PCDHA12: variants seen among roughly 807,000 people sequenced by gnomAD.
PCDHA12 encodes the protein protocadherin alpha-12.
A neutral mutation model predicts 60.0 loss-of-function variants in PCDHA12; 44 were observed. The observed-to-expected ratio is 0.73, with a 90% CI of 0.58 to 0.94. The LOEUF (loss-of-function observed/expected upper bound fraction) is 0.94, where lower values mean the gene tolerates loss of function less well. Among genes scored for constraint, PCDHA12 ranks in the 40% least tolerant of loss-of-function variants. The pLI, the probability that PCDHA12 is intolerant of heterozygous loss-of-function variation, is 0.00. For synonymous variants in PCDHA12, 569 were observed against 553.0 expected (o/e 1.03, Z -0.40); for missense variants, 1,276 against 1,239.7 (o/e 1.03, Z -0.44).
chr5:141,009,374 G>C (rs567366098), intron 3 of PCDHA12, among the ~76,000 whole-genome samples: 1 of 152,216 alleles, frequency 6.6e-6, no homozygotes, highest in African/African-American at 2.4e-5. Context: ...TGGGAGGATT[G>C]ATTGAGCACA....
chr5:140,968,444 A>G (rs781941315), intron 1 of PCDHA12: 1 of 1,614,048 alleles, frequency 6.2e-7, no homozygotes, highest in South Asian at 1.1e-5. Context: ...CCCACCACTG[A>G]GCAGCACTGT....
chr5:140,901,213 G>A (rs2068513524), intron 1 of PCDHA12, among the ~76,000 whole-genome samples: 1 of 152,040 alleles, frequency 6.6e-6, no homozygotes, highest in Non-Finnish European at 1.5e-5. Flanking sequence ...TTTTTAAGTT[G>A]ATGTGATCCC....
chr5:140,957,581 C>T (rs1396438252), intron 1 of PCDHA12, among the ~76,000 whole-genome samples: 3 of 152,066 alleles, frequency 2.0e-5, no homozygotes, highest in South Asian at 2.1e-4. Flanking sequence ...GTACTTTTAA[C>T]AAAGCACTTC....
chr5:140,932,920 A>G (rs1397195310), intron 1 of PCDHA12, among the ~76,000 whole-genome samples: 3 of 152,034 alleles, frequency 2.0e-5, no homozygotes, highest in Non-Finnish European at 4.4e-5. Flanking sequence ...CAACAACTAA[A>G]TTAACTTAGC....
chr5:140,967,072 C>A, intron 1 of PCDHA12: 7 of 1,613,106 alleles, frequency 4.3e-6, no homozygotes, highest in Non-Finnish European at 5.9e-6. Context: ...TCTTCGTCAA[C>A]GAGCGCATTG....
intron 1 of PCDHA12, among the ~76,000 whole-genome samples, chr5:140,940,131 G>A (rs1443086111): frequency 7.2e-5 from 11 of 152,092 alleles, no homozygotes; most frequent in African/African-American, 2.4e-4. Context: ...ATTTCTGCTA[G>A]TGATAAACTA....
Position 140,941,319 on chromosome 5 carries a change from C to CT in PCDHA12, c.2368-37615dup, listed in dbSNP as rs70988781. On this transcript the variant is annotated intron_variant, in intron 1 of 3. Transcript: ENST00000398631. Reference sequence around the variant, plus strand: ...TTCTTTCTTTCTTTTTCTTCTTTCTCTTTTTTTTTTTTTTTCAGATGGAGT... The same window carrying CT: ...TTCTTTCTTTCTTTTTCTTCTTTCTCTTTTTTTTTTTTTTTTCAGATGGAGT... Among the ~76,000 whole-genome samples the CT allele has an allele frequency of 1.3e-3, 140 of 104,384 alleles. 3 individuals are homozygous for CT. The highest frequency in any genetic ancestry group is 2.9e-3 in the South Asian group (9 of 3,126). The allele number at this position is 104,384 out of a possible 152,430, so 68.5% of individuals were successfully genotyped here.
chr5:140,988,675 A>C (rs574653772), intron 3 of PCDHA12, among the ~76,000 whole-genome samples: 1 of 152,228 alleles, frequency 6.6e-6, no homozygotes, highest in East Asian at 1.9e-4. Context: ...ACTCTAAGAT[A>C]ATTCTTTCCC....
At position 140,916,547 on chromosome 5, in the gene PCDHA12, T is replaced by A. The variant is rs541671578; in HGVS notation, c.2367+38708T>A. On this transcript the variant is annotated intron_variant, in intron 1 of 3. Transcript: ENST00000398631. ...TCCTTCCCACCAAGGCAATGGGTTT[T>A]CTATTTGTCCAGGGTGTGTCTAGAA... Among the ~76,000 whole-genome samples the A allele has an allele frequency of 2.0e-4, 31 of 152,324 alleles. 1 individual carries two copies. Among genetic ancestry groups the A allele is most frequent in the Non-Finnish European group, 3.4e-4 (23 of 68,020 alleles).
intron 1 of PCDHA12, chr5:140,927,650 TC>T (rs2084465821): frequency 6.2e-7 from 1 of 1,614,080 alleles, no homozygotes; most frequent in Admixed American, 1.7e-5. Flanking sequence ...ACTGTGTTAT[TC>T]CGAGTTCAAG....
intron 1 of PCDHA12, chr5:140,966,970 G>A (rs1554228990): frequency 6.2e-7 from 1 of 1,602,870 alleles, no homozygotes; most frequent in Admixed American, 1.7e-5. Flanking sequence ...TGGGGCTTGA[G>A]CTGCGGCGCT....
At chr5:140,973,972 G>A (rs1467007704) in intron 1 of PCDHA12, among the ~76,000 whole-genome samples, 1 of 152,186 alleles carries the variant, frequency 6.6e-6, no homozygotes, top group Non-Finnish European at 1.5e-5. Flanking sequence ...TTTAAATGTG[G>A]CTTTTACAGA....
intron 1 of PCDHA12, among the ~76,000 whole-genome samples, chr5:140,965,508 T>C (rs1278735339): frequency 6.6e-6 from 1 of 152,124 alleles, no homozygotes; most frequent in Non-Finnish European, 1.5e-5. Context: ...TTTTTTTTTT[T>C]TTTAACTGCA....
intron 2 of PCDHA12, among the ~76,000 whole-genome samples, chr5:140,979,807 A>G (rs376087021): frequency 1.3e-4 from 20 of 152,376 alleles, no homozygotes; most frequent in African/African-American, 4.1e-4. Flanking sequence ...CACAACTATC[A>G]AAAGGATTTA....
At chr5:140,897,258 G>A (rs1008292814) in intron 1 of PCDHA12, among the ~76,000 whole-genome samples, 1 of 151,682 alleles carries the variant, frequency 6.6e-6, no homozygotes, top group African/African-American at 2.4e-5. Flanking sequence ...ATGTATACAT[G>A]TGCCATGCTG....
chr5:140,985,499 C>G (rs1307302690), intron 3 of PCDHA12, among the ~76,000 whole-genome samples: 1 of 152,170 alleles, frequency 6.6e-6, no homozygotes, highest in African/African-American at 2.4e-5. Flanking sequence ...TAGAGCCTGC[C>G]TTTCATTGAT....
At chr5:140,968,704 G>A (rs782208487) in intron 1 of PCDHA12, 6 of 1,614,002 alleles carry the variant, frequency 3.7e-6, no homozygotes, top group Admixed American at 1.7e-5. Context: ...GGACTACCAG[G>A]AAGATGGGAG....
At chr5:140,903,370 G>A (rs1185137848) in intron 1 of PCDHA12, among the ~76,000 whole-genome samples, 8 of 152,136 alleles carry the variant, frequency 5.3e-5, no homozygotes, top group African/African-American at 1.9e-4. Flanking sequence ...AAAAATATAG[G>A]GAGGATTGTG....
rs114181547 is a variant in PCDHA12, at chr5:140,916,746, T to C, written c.2367+38907T>C. Among the ~76,000 whole-genome samples, 1,217 of 152,314 alleles carry C rather than the reference T, an allele frequency of 8.0e-3. 6 individuals carry two copies. Among genetic ancestry groups the C allele is most frequent in the African/African-American group, 0.019 (786 of 41,576 alleles). ...TTTTGTTGCTGCAAGCTTCACTGCC[T>C]GGGATTAGGGGAGGGGTGGCACAAG... On this transcript the variant is annotated intron_variant, in intron 1 of 3. Coordinates refer to ENST00000398631, the MANE Select transcript of PCDHA12 (RefSeq NM_018903.4).
Sources: gnomAD v4.1 joint callset for allele counts (sites outside exome capture counted in the v4.1 genomes callset) on GRCh38, gnomAD v4.1.1 for gene constraint, MANE v1.5 for transcripts, NCBI Gene and HGNC (gene_info 2026-07-23, HGNC 2026-07-21) for gene names.